Variants in STARD9 observed in about 807,000 individuals in gnomAD.
The protein encoded by STARD9 is stAR-related lipid transfer protein 9.
STARD9 carries 346 observed loss-of-function variants against 399.8 expected under a neutral mutation model. The observed-to-expected ratio is 0.87, with a 90% CI of 0.79 to 0.95. The LOEUF is 0.95. Ranked by LOEUF, STARD9 falls within the 40% of genes least tolerant of loss-of-function variation. The pLI, the probability that STARD9 is intolerant of heterozygous loss-of-function variation, is 0.00. For synonymous variants in STARD9, 2,203 were observed against 2,143.5 expected, an observed-to-expected ratio of 1.03 and a Z score of -0.77; for missense variants, 5,832 against 5,667.5, an observed-to-expected ratio of 1.03 and a Z score of -0.93.
At chr15:42,705,579 C>T (rs1169526652) in intron 26 of STARD9, among the ~76,000 whole-genome samples, 1 of 151,980 alleles carries the variant, frequency 6.6e-6, no homozygotes, top group Non-Finnish European at 1.5e-5. Context: ...GGACTACAGG[C>T]ATGCATCACC....
In STARD9 at chr15:42,663,406, T is replaced by A. The variant is rs1270308568; in HGVS notation, c.994T>A (p.Ser332Thr). The A allele has an allele frequency of 2.0e-6, 3 of 1,537,182 alleles. No individual in the cohort carries two copies. Among genetic ancestry groups the A allele is most frequent in the African/African-American group, 1.4e-5 (1 of 73,056 alleles). Residue 332 changes from serine (S) to threonine (T), a missense_variant, in exon 12 of 33, where the codon TCT becomes ACT. This residue lies in a region of STARD9 where 5,828 missense variants were observed against 5,651.1 expected (regional missense o/e 1.03). Coordinates refer to ENST00000290607, the MANE Select transcript of STARD9 (RefSeq NM_020759.3). The stretch of plus-strand genomic sequence containing the variant: ...TGGAGGGGCACCCTCCCGAAGGCAG[T>A]CTTATATCCCATACCGAGACTCTGT... The part of the protein sequence containing the change: ...SSGGAPSRRQ[S>T]YIPYRDSVLT...
intron 25 of STARD9, 56 bp downstream of exon 25, chr15:42,695,379 CA>C (rs1473968827): frequency 7.0e-7 from 1 of 1,437,506 alleles, no homozygotes; most frequent in East Asian, 2.5e-5. Flanking sequence ...CAGACTGGTA[CA>C]CCTTCACCGT....
Position 42,688,221 on chromosome 15 carries a change from A to G in STARD9, c.6643A>G (p.Arg2215Gly). The G allele has an allele frequency of 6.5e-7, 1 of 1,537,498 alleles. No homozygotes were observed. The highest frequency in any genetic ancestry group is 8.7e-7 in the Non-Finnish European group (1 of 1,146,988). Residue 2215 changes from arginine (R) to glycine (G), a missense_variant, in exon 23 of 33, where the codon AGG (arginine) becomes GGG (glycine). Around this residue, in one of 2 missense-constraint regions of STARD9, gnomAD observed 5,828 missense variants for 5,651.1 expected, o/e 1.03. Coordinates refer to ENST00000290607, the MANE Select transcript of STARD9 (RefSeq NM_020759.3). ...GGCTAGAGCTCTGCCATTGCAACCC[A>G]GGCTAGAGAGGTCTTCTAAGAATAA... ...ALARALPLQP[R>G]LERSSKNNGQ...
chr15:42,641,922 A>G (rs2059546326), intron 7 of STARD9, among the ~76,000 whole-genome samples: 1 of 152,142 alleles, frequency 6.6e-6, no homozygotes, highest in Non-Finnish European at 1.5e-5. Flanking sequence ...TTAATGAAGG[A>G]GCCATGAGCT....
chr15:42,690,718 T>C lies in STARD9; in HGVS notation c.9140T>C (p.Val3047Ala). ...TESSTCEPST[V>A]AAVLSRAQGC... is the part of the protein sequence containing the mutation. Reference sequence around the variant, plus strand: ...AGCAGCACTTGTGAGCCTTCTACTGTGGCTGCTGTCCTATCTCGAGCTCAA... The same window carrying C: ...AGCAGCACTTGTGAGCCTTCTACTGCGGCTGCTGTCCTATCTCGAGCTCAA... The change falls in exon 23 of 33, where the codon GTG (valine) becomes GCG (alanine). Residue 3047 changes from valine to alanine, a missense_variant. This residue lies in a region of STARD9 where 5,828 missense variants were observed against 5,651.1 expected (regional missense o/e 1.03). Coordinates refer to ENST00000290607, the MANE Select transcript of STARD9 (RefSeq NM_020759.3). 6.5e-7 allele frequency: 1 copy of C among 1,537,228 alleles called. No individual in the cohort carries two copies. The highest frequency in any genetic ancestry group is 1.2e-5 in the South Asian group (1 of 84,058).
chr15:42,619,071 T>C (rs1051042301), intron 3 of STARD9, among the ~76,000 whole-genome samples: 1 of 152,206 alleles, frequency 6.6e-6, no homozygotes, highest in Non-Finnish European at 1.5e-5. Flanking sequence ...TTTTTCACTC[T>C]TCCTAATTTT....
At chr15:42,636,706 C>A (rs1269048826) in intron 4 of STARD9, among the ~76,000 whole-genome samples, 1 of 152,166 alleles carries the variant, frequency 6.6e-6, no homozygotes, top group East Asian at 1.9e-4. Flanking sequence ...ATCCCTGATG[C>A]CTTGGGCCTA....
intron 3 of STARD9, among the ~76,000 whole-genome samples, chr15:42,616,538 G>T (rs1463378704): frequency 6.6e-6 from 1 of 152,172 alleles, no homozygotes; most frequent in East Asian, 1.9e-4. Context: ...GTGGTTCAGA[G>T]CAAGAGCTTT....
At chr15:42,666,550 G>C (rs1233338942) in intron 15 of STARD9, among the ~76,000 whole-genome samples, 1 of 152,154 alleles carries the variant, frequency 6.6e-6, no homozygotes, top group African/African-American at 2.4e-5. Flanking sequence ...CATGGTAGAG[G>C]GTAGTGCAGG....
intron 26 of STARD9, among the ~76,000 whole-genome samples, chr15:42,709,699 CA>C (rs1051283386): frequency 1.1e-4 from 16 of 151,996 alleles, no homozygotes; most frequent in African/African-American, 3.9e-4. Flanking sequence ...AGCAGCCCCC[CA>C]AAAAAATATT....
At chr15:42,636,142 C>T (rs112280534) in intron 4 of STARD9, among the ~76,000 whole-genome samples, 1 of 152,050 alleles carries the variant, frequency 6.6e-6, no homozygotes, top group Non-Finnish European at 1.5e-5. Flanking sequence ...ACAAAAAATA[C>T]AAAAGTTAGC....
chr15:42,577,130 C>T (rs1234601762), intron 1 of STARD9, among the ~76,000 whole-genome samples: 1 of 152,060 alleles, frequency 6.6e-6, no homozygotes, highest in East Asian at 1.9e-4. Context: ...CTTCTCAGTT[C>T]CTTGGACACT....
At position 42,663,884 on chromosome 15, in the gene STARD9, CA is replaced by C; in HGVS notation, c.1148del (p.Asn383ThrfsTer8). 1 of 1,536,790 alleles carries C rather than the reference CA, an allele frequency of 6.5e-7. No homozygotes were observed. Among genetic ancestry groups the C allele is most frequent in the African/African-American group, 1.4e-5 (1 of 73,156 alleles). ...GCACACTGAGATATGCATCCAGTGCCAAAAACATTATCAACAAGCCACGAGT... is the reference window on the plus strand; with the variant it reads ...GCACACTGAGATATGCATCCAGTGCCAAAACATTATCAACAAGCCACGAGT... ...MSTLRYASSA[K>X]NIINKPRVNE... is the part of the protein sequence containing the mutation. On this transcript the variant is annotated frameshift_variant, in exon 13 of 33. Transcript: ENST00000290607. LOFTEE classifies it high-confidence loss of function.
intron 7 of STARD9, among the ~76,000 whole-genome samples, chr15:42,646,551 C>T (rs1441411917): frequency 1.3e-5 from 2 of 152,228 alleles, no homozygotes; most frequent in Non-Finnish European, 2.9e-5. Flanking sequence ...CTTCTCTCAG[C>T]CTTCATAGCA....
At chr15:42,683,847 A>G (rs899789100) in intron 22 of STARD9, among the ~76,000 whole-genome samples, 2 of 151,788 alleles carry the variant, frequency 1.3e-5, no homozygotes. Flanking sequence ...TATTCCTCAT[A>G]TTGCCTATTA....
At chr15:42,677,921 C>G (rs1301896395) in intron 20 of STARD9, among the ~76,000 whole-genome samples, 5 of 152,198 alleles carry the variant, frequency 3.3e-5, no homozygotes, top group African/African-American at 1.2e-4. Context: ...GTGCTCTTCT[C>G]TTGCCTTTTT....
At chr15:42,586,209 AG>A (rs1227275351) in intron 3 of STARD9, among the ~76,000 whole-genome samples, 1 of 152,218 alleles carries the variant, frequency 6.6e-6, no homozygotes, top group Non-Finnish European at 1.5e-5. Context: ...AGGGAATTAT[AG>A]AGGTTAGTAT....
At position 42,692,294 on chromosome 15, in the gene STARD9, G is replaced by A. The variant is rs750883510; in HGVS notation, c.10716G>A (p.Pro3572=). The change falls in exon 23 of 33, where the codon CCG becomes CCA. Residue 3572 remains proline (P), a synonymous_variant. Coordinates refer to ENST00000290607, the MANE Select transcript of STARD9 (RefSeq NM_020759.3). ...SSIALGDPHI[P]TSPEGVAPTS... ...TTGCCTTAGGAGACCCCCACATCCC[G>A]ACGAGCCCTGAAGGAGTAGCCCCCA... The A allele has an allele frequency of 2.9e-5, 45 of 1,536,940 alleles. No individual in the cohort carries two copies. In the African/African-American group the frequency reaches 3.1e-4, roughly 11 times the overall value.
At position 42,688,263 on chromosome 15, in the gene STARD9, G is replaced by A. The variant is rs1258092261; in HGVS notation, c.6685G>A (p.Ala2229Thr). ...SSKNNGQFVK[A>T]SASLKGQPWG... Reference sequence around the variant, plus strand: ...TAAGAATAATGGCCAGTTTGTAAAAGCATCAGCAAGTCTCAAAGGGCAGCC... The same window carrying A: ...TAAGAATAATGGCCAGTTTGTAAAAACATCAGCAAGTCTCAAAGGGCAGCC... The change falls in exon 23 of 33, where the codon GCA becomes ACA. Residue 2229 changes from alanine to threonine, a missense_variant. By Grantham distance (58) the Ala-to-Thr change is moderately conservative. This residue lies in a region of STARD9 where 5,828 missense variants were observed against 5,651.1 expected (regional missense o/e 1.03). Transcript: ENST00000290607. 4.6e-6 allele frequency: 7 copies of A among 1,537,476 alleles called. No individual in the cohort carries two copies. Among genetic ancestry groups the A allele is most frequent in the East Asian group, 4.9e-5 (2 of 40,932 alleles).
Sources: gnomAD v4.1 joint callset for allele counts (sites outside exome capture counted in the v4.1 genomes callset) on GRCh38, gnomAD v4.1.1 for gene constraint, gnomAD v4.1.1 regional missense constraint, MANE v1.5 for transcripts, NCBI Gene and HGNC (gene_info 2026-07-23, HGNC 2026-07-21) for gene names.